Variants in EPHA6 observed in about 807,000 individuals in gnomAD.
EPHA6 encodes EPH receptor A6.
Under a neutral mutation model 112.0 loss-of-function variants are expected in EPHA6, and 50 were observed. The observed-to-expected ratio is 0.45, with a 90% CI of 0.36 to 0.56. The LOEUF is 0.56. Ranked by LOEUF, EPHA6 falls within the 20% of genes least tolerant of loss-of-function variation. EPHA6 has a pLI of 0.00. For synonymous variants in EPHA6, 529 were observed against 490.7 expected (o/e 1.08, Z -1.03); for missense variants, 1,280 against 1,417.4 (o/e 0.90, Z 1.56).
rs910501207 is a variant in EPHA6 at position 97,756,120 on chromosome 3, G to A, written c.*7419G>A. On this transcript the variant is annotated 3_prime_UTR_variant, in exon 18 of 18. Transcript: ENST00000389672. ...TTTATTTTTCAAAGTAGTAACTTTT[G>A]CTATCTTTAGAATTCTCATCTACCC... Among the ~76,000 whole-genome samples, 7 of 151,866 alleles carry A rather than the reference G, an allele frequency of 4.6e-5. No individual in the cohort carries two copies. Among genetic ancestry groups the A allele is most frequent in the Non-Finnish European group, 1.0e-4 (7 of 67,844 alleles).
At chr3:96,821,720 C>T (rs576519435) in intron 1 of EPHA6, among the ~76,000 whole-genome samples, 9 of 151,460 alleles carry the variant, frequency 5.9e-5, no homozygotes, top group Admixed American at 2.0e-4. Flanking sequence ...CAGTGTATAC[C>T]AATTAACCCC....
intron 5 of EPHA6, among the ~76,000 whole-genome samples, chr3:97,391,418 G>A (rs991708728): frequency 5.3e-5 from 8 of 151,966 alleles, no homozygotes. Context: ...GTAAGTGCTA[G>A]ACTTCAGTCA....
intron 2 of EPHA6, among the ~76,000 whole-genome samples, chr3:96,882,730 C>CTGTGTGTGTG (rs1207060710): frequency 0.041 from 5,261 of 129,234 alleles, 148 homozygotes; most frequent in Non-Finnish European, 0.058. Context: ...CATTGTGTGT[C>CTGTGTGTGTG]TGTGTGTGTG....
intron 2 of EPHA6, among the ~76,000 whole-genome samples, chr3:96,882,546 T>C (rs1451347988): frequency 6.6e-6 from 1 of 152,120 alleles, no homozygotes; most frequent in Non-Finnish European, 1.5e-5. Context: ...CAAAATCCAT[T>C]GTGTCATTCT....
At chr3:97,498,177 C>T (rs547655990) in intron 10 of EPHA6, among the ~76,000 whole-genome samples, 5 of 152,078 alleles carry the variant, frequency 3.3e-5, no homozygotes, top group South Asian at 4.2e-4. Context: ...TTCTTTACCC[C>T]GTTATCTATA....
chr3:97,247,757 G>A (rs1238486795), intron 5 of EPHA6, among the ~76,000 whole-genome samples: 1 of 151,824 alleles, frequency 6.6e-6, no homozygotes, highest in Non-Finnish European at 1.5e-5. Context: ...TAAAGAATCA[G>A]CCACTTGTCA....
At chr3:97,193,859 GA>G (rs1424689935) in intron 3 of EPHA6, among the ~76,000 whole-genome samples, 1 of 151,882 alleles carries the variant, frequency 6.6e-6, no homozygotes, top group Non-Finnish European at 1.5e-5. Context: ...AAGGGATATT[GA>G]ATTTTATCCA....
chr3:97,133,387 A>T (rs758140664), intron 3 of EPHA6, among the ~76,000 whole-genome samples: 13 of 152,098 alleles, frequency 8.5e-5, no homozygotes, highest in Non-Finnish European at 1.8e-4. Flanking sequence ...ACTTATAGCC[A>T]GATTTTTCAA....
chr3:97,168,096 C>A (rs1236671654), intron 3 of EPHA6, among the ~76,000 whole-genome samples: 1 of 152,066 alleles, frequency 6.6e-6, no homozygotes, highest in Non-Finnish European at 1.5e-5. Context: ...ATCCTTTTCA[C>A]ATGATGGCAT....
chr3:97,329,814 T>G (rs1245758620), intron 5 of EPHA6, among the ~76,000 whole-genome samples: 2 of 152,016 alleles, frequency 1.3e-5, no homozygotes, highest in Admixed American at 1.3e-4. Context: ...AGAAGCTCTT[T>G]AGTTTAATTA....
intron 3 of EPHA6, among the ~76,000 whole-genome samples, chr3:97,164,329 T>A (rs1325579920): frequency 1.3e-5 from 2 of 152,128 alleles, no homozygotes; most frequent in Non-Finnish European, 2.9e-5. Flanking sequence ...ATTATTTGCC[T>A]CCACGTAACC....
chr3:96,871,755 T>C (rs2036634337), intron 2 of EPHA6, among the ~76,000 whole-genome samples: 1 of 152,106 alleles, frequency 6.6e-6, no homozygotes, highest in South Asian at 2.1e-4. Context: ...TTATGATCTT[T>C]AGCTGTGAAT....
intron 2 of EPHA6, among the ~76,000 whole-genome samples, chr3:96,935,696 A>G (rs2107668535): frequency 6.8e-6 from 1 of 147,800 alleles, no homozygotes; most frequent in South Asian, 2.1e-4. Context: ...TACACACATT[A>G]TGTATATTAT....
At chr3:97,244,805 G>C (rs1485993649) in intron 5 of EPHA6, 2 of 153,994 alleles carry the variant, frequency 1.3e-5, no homozygotes, top group Non-Finnish European at 2.9e-5. Flanking sequence ...TCTATGTGAA[G>C]TTTGTGAAAA....
intron 1 of EPHA6, among the ~76,000 whole-genome samples, chr3:96,830,783 G>A (rs985464072): frequency 7.5e-5 from 11 of 147,492 alleles, no homozygotes; most frequent in Admixed American, 7.3e-4. Flanking sequence ...AAGGGGAAAT[G>A]GGGGGGACAT....
intron 3 of EPHA6, among the ~76,000 whole-genome samples, chr3:97,225,098 G>C (rs2078314851): frequency 6.6e-6 from 1 of 152,186 alleles, no homozygotes; most frequent in African/African-American, 2.4e-5. Context: ...TGGGACTACA[G>C]GCGCCCGCCA....
At chr3:97,707,671 G>T (rs1362621491) in intron 14 of EPHA6, among the ~76,000 whole-genome samples, 2 of 152,062 alleles carry the variant, frequency 1.3e-5, no homozygotes, top group Non-Finnish European at 2.9e-5. Context: ...AATATAATAT[G>T]ATTTGGCTAT....
intron 5 of EPHA6, among the ~76,000 whole-genome samples, chr3:97,349,721 G>T (rs1242470691): frequency 6.6e-6 from 1 of 151,966 alleles, no homozygotes; most frequent in African/African-American, 2.4e-5. Context: ...AAAAGTATCA[G>T]TTTTGCCCAG....
chr3:97,561,560 G>A (rs1028092418), intron 11 of EPHA6, among the ~76,000 whole-genome samples: 1 of 151,954 alleles, frequency 6.6e-6, no homozygotes, highest in South Asian at 2.1e-4. Flanking sequence ...AAAGCTACCA[G>A]AGATTGCTTT....
Sources: gnomAD v4.1 joint callset for allele counts (sites outside exome capture counted in the v4.1 genomes callset) on GRCh38, gnomAD v4.1.1 for gene constraint, MANE v1.5 for transcripts, NCBI Gene and HGNC (gene_info 2026-07-23, HGNC 2026-07-21) for gene names.